The following ABCC9 variants were observed in gnomAD, a reference collection of about 807,000 sequenced individuals.
ABCC9 encodes the protein ATP binding cassette subfamily C member 9.
In ABCC9, 95 loss-of-function variants were observed where a neutral mutation model predicts 188.3. The ratio of observed to expected loss-of-function variants is 0.50; its 90% CI spans 0.43 to 0.60. The LOEUF is 0.60. Ranked by LOEUF, ABCC9 falls within the 20% of genes least tolerant of loss-of-function variation. The pLI is 0.00. For missense variants in ABCC9, 1,102 were observed against 1,876.3 expected, an observed-to-expected ratio of 0.59 and a Z score of 7.62; for synonymous variants, 659 against 652.7, an observed-to-expected ratio of 1.01 and a Z score of -0.15.
At position 21,800,961 on chromosome 12, in the gene ABCC9, C is replaced by T; in HGVS notation, c.*83G>A. ...AATCTGTAAAAGTTTTAAGATGCCA[C>T]TTTACAGAGGTCAAGCTGATGATCC... On this transcript the variant is annotated 3_prime_UTR_variant, in exon 40 of 40. Coordinates refer to ENST00000261200, the MANE Select transcript of ABCC9 (RefSeq NM_020297.4). The T allele has an allele frequency of 6.5e-7, 1 of 1,543,100 alleles. No individual in the cohort carries two copies.
rs904509120 is a variant in ABCC9, at chr12:21,803,443, G to A, written c.4513-2262C>T. On this transcript the variant is annotated intron_variant, in intron 39 of 39. Coordinates refer to ENST00000261200, the MANE Select transcript of ABCC9 (RefSeq NM_020297.4). ...GAGGGCGAGGCGGGCGGATCACAAG[G>A]TCAGGGGTTCAAGACCAGCCTGACC... Among the ~76,000 whole-genome samples, 56 of 152,016 alleles carry A rather than the reference G, an allele frequency of 3.7e-4. 1 individual carries two copies. Among genetic ancestry groups the A allele is most frequent in the African/African-American group, 1.3e-3 (53 of 41,506 alleles).
chr12:21,840,206 C>G (rs61926069), intron 29 of ABCC9, among the ~76,000 whole-genome samples: 1 of 152,078 alleles, frequency 6.6e-6, no homozygotes, highest in Non-Finnish European at 1.5e-5. Context: ...TAGCTAGTTT[C>G]CCACTTAAGT....
intron 22 of ABCC9, among the ~76,000 whole-genome samples, chr12:21,854,770 G>C (rs368958755): frequency 2.6e-5 from 4 of 152,086 alleles, no homozygotes; most frequent in African/African-American, 9.7e-5. Context: ...AACTGGTAGA[G>C]AATTCTACCA....
chr12:21,855,918 T>A (rs973335035), intron 22 of ABCC9, among the ~76,000 whole-genome samples: 1 of 152,158 alleles, frequency 6.6e-6, no homozygotes, highest in African/African-American at 2.4e-5. Flanking sequence ...GCCATCTGAC[T>A]TTCTATCCCT....
chr12:21,818,024 A>G, intron 32 of ABCC9, 126 bp downstream of exon 32: 2 of 333,438 alleles, frequency 6.0e-6, no homozygotes, highest in Non-Finnish European at 1.2e-5. Context: ...CCCACCCCCC[A>G]ATAGGCCCTG....
At chr12:21,839,725 C>G (rs1944283194) in intron 29 of ABCC9, among the ~76,000 whole-genome samples, 1 of 152,100 alleles carries the variant, frequency 6.6e-6, no homozygotes, top group Admixed American at 6.6e-5. Context: ...CTGTGAGGGT[C>G]AACTGAACGG....
At chr12:21,926,994 A>G (rs530838292) in intron 4 of ABCC9, among the ~76,000 whole-genome samples, 1 of 152,310 alleles carries the variant, frequency 6.6e-6, no homozygotes, top group South Asian at 2.1e-4. Flanking sequence ...GACTAGTTCA[A>G]GATTGGGGGA....
chr12:21,828,877 T>A, intron 31 of ABCC9, 81 bp downstream of exon 31: 1 of 1,152,546 alleles, frequency 8.7e-7, no homozygotes, highest in Non-Finnish European at 1.3e-6. Context: ...AGTGGAATAC[T>A]AATTTTTACA....
chr12:21,863,156 C>A, intron 19 of ABCC9, 102 bp from the exon 20 acceptor site: 1 of 780,286 alleles, frequency 1.3e-6, no homozygotes, highest in Admixed American at 2.6e-5. Context: ...AGTAAACTAT[C>A]TCAGATACAG....
intron 31 of ABCC9, among the ~76,000 whole-genome samples, chr12:21,826,786 A>G (rs750276139): frequency 1.1e-4 from 17 of 152,220 alleles, no homozygotes; most frequent in Non-Finnish European, 1.9e-4. Flanking sequence ...GTCAGCAGAT[A>G]TGCCTGGAAC....
At chr12:21,819,647 A>G (rs1942910290) in intron 31 of ABCC9, among the ~76,000 whole-genome samples, 1 of 152,204 alleles carries the variant, frequency 6.6e-6, no homozygotes, top group African/African-American at 2.4e-5. Context: ...TAAAAATGTT[A>G]AATACCAGTT....
chr12:21,812,397 C>T (rs899001566), intron 35 of ABCC9, among the ~76,000 whole-genome samples: 2 of 152,130 alleles, frequency 1.3e-5, no homozygotes, highest in African/African-American at 4.8e-5. Flanking sequence ...GACACATGCA[C>T]ACTTATGTTT....
intron 30 of ABCC9, among the ~76,000 whole-genome samples, chr12:21,836,188 T>C (rs1944075609): frequency 1.3e-5 from 2 of 152,220 alleles, no homozygotes; most frequent in South Asian, 4.1e-4. Flanking sequence ...CCATCCCCAG[T>C]TCATAGTAGT....
chr12:21,901,835 AG>A, intron 12 of ABCC9, among the ~76,000 whole-genome samples: 1 of 152,330 alleles, frequency 6.6e-6, no homozygotes, highest in Non-Finnish European at 1.5e-5. Flanking sequence ...AGAGACTTAG[AG>A]TTCCACACAA....
intron 12 of ABCC9, among the ~76,000 whole-genome samples, chr12:21,895,774 A>G (rs139304961): frequency 0.01 from 1,583 of 152,278 alleles, 23 homozygotes; most frequent in Non-Finnish European, 0.016. Flanking sequence ...ATATTCATTT[A>G]TGGCCCTTTC....
intron 12 of ABCC9, among the ~76,000 whole-genome samples, chr12:21,895,528 GTTTTTC>G (rs1483666024): frequency 6.6e-6 from 1 of 152,006 alleles, no homozygotes; most frequent in Non-Finnish European, 1.5e-5. Context: ...ACCAGTTTCT[GTTTTTC>G]TTTATTGAAT....
In ABCC9 at chr12:21,887,908, A is replaced by C; in HGVS notation, c.1829T>G (p.Leu610Trp). The C allele has an allele frequency of 2.5e-6, 4 of 1,613,388 alleles. No homozygotes were observed. The highest frequency in any genetic ancestry group is 3.4e-6 in the Non-Finnish European group (4 of 1,179,448). The change falls in exon 15 of 40, where the codon TTG becomes TGG. Residue 610 changes from leucine to tryptophan, a missense_variant. Physicochemically the swap from Leu to Trp is moderately conservative, Grantham distance 61. Around this residue, in one of 12 missense-constraint regions of ABCC9, gnomAD observed 258 missense variants for 325.6 expected, o/e 0.79. Coordinates refer to ENST00000261200, the MANE Select transcript of ABCC9 (RefSeq NM_020297.4). ...ISVQKLNEFL[L>W]SDEIGDDSWR... ...ACTGTCGTCACCAATCTCATCACTC[A>C]AGAGAAACTCATTCAGCTTTTGAAC...
At chr12:21,801,273 C>T in intron 39 of ABCC9, 92 bp from the exon 40 acceptor site, 1 of 1,541,160 alleles carries the variant, frequency 6.5e-7, no homozygotes, top group Non-Finnish European at 8.9e-7. Flanking sequence ...TATTCTGGGA[C>T]ATTTGTTTAT....
Position 21,926,058 on chromosome 12 carries a change from C to A in ABCC9, c.290G>T (p.Arg97Leu). 1 of 1,614,036 alleles carries A rather than the reference C, an allele frequency of 6.2e-7. No homozygotes were observed. The highest frequency in any genetic ancestry group is 8.5e-7 in the Non-Finnish European group (1 of 1,179,992). Residue 97 changes from arginine (R) to leucine (L), a missense_variant, in exon 5 of 40, where the codon CGG becomes CTG. By Grantham distance (102) the Arg-to-Leu change is moderately radical. Around this residue, in one of 12 missense-constraint regions of ABCC9, gnomAD observed 305 missense variants for 573.0 expected, o/e 0.53. Transcript: ENST00000261200. ...IAEGIVSDSRRESRHLHLFMP... is the reference protein window; with the variant it reads ...IAEGIVSDSRLESRHLHLFMP... Reference sequence around the variant, plus strand: ...AAAGAGGTGGAGGTGCCTTGATTCCCGCCGCCTAGAAAGAGCAGTACGTCA... The same window carrying A: ...AAAGAGGTGGAGGTGCCTTGATTCCAGCCGCCTAGAAAGAGCAGTACGTCA...
Sources: gnomAD v4.1 joint callset for allele counts (sites outside exome capture counted in the v4.1 genomes callset) on GRCh38, gnomAD v4.1.1 for gene constraint, gnomAD v4.1.1 regional missense constraint, MANE v1.5 for transcripts, NCBI Gene and HGNC (gene_info 2026-07-23, HGNC 2026-07-21) for gene names.